Variants in XPR1 observed in about 807,000 individuals in gnomAD.
XPR1 encodes the protein xenotropic and polytropic retrovirus receptor 1.
A neutral mutation model predicts 87.5 loss-of-function variants in XPR1; 28 were observed. The observed-to-expected ratio is 0.32, with a 90% confidence interval of 0.24 to 0.44. XPR1 has a LOEUF of 0.44. XPR1 is among the 20% of genes least tolerant of loss of function. The pLI is 1.00. For synonymous variants in XPR1, 300 were observed against 306.1 expected (o/e 0.98, Z 0.21); for missense variants, 559 against 862.3 (o/e 0.65, Z 4.41).
chr1:180,879,997 T>C (rs749709050), intron 13 of XPR1, 79 bp from the exon 14 acceptor site: 1 of 1,480,166 alleles, frequency 6.8e-7, no homozygotes, highest in Non-Finnish European at 9.4e-7. Flanking sequence ...GAGTGGAAAC[T>C]TGATACACTG....
chr1:180,687,837 A>T (rs996621465), intron 2 of XPR1, among the ~76,000 whole-genome samples: 10 of 151,628 alleles, frequency 6.6e-5, no homozygotes, highest in Non-Finnish European at 1.3e-4. Flanking sequence ...TTATCAATAT[A>T]TATGTAAATA....
chr1:180,669,694 G>GA (rs1316025321), intron 1 of XPR1, among the ~76,000 whole-genome samples: 1 of 152,102 alleles, frequency 6.6e-6, no homozygotes, highest in African/African-American at 2.4e-5. Context: ...CTCCATGGGG[G>GA]ATGTTCCAAG....
chr1:180,855,280 G>A (rs1368881014), intron 11 of XPR1, among the ~76,000 whole-genome samples: 1 of 152,194 alleles, frequency 6.6e-6, no homozygotes, highest in Non-Finnish European at 1.5e-5. Context: ...AATGTCATAG[G>A]AAGGAGAGAT....
At chr1:180,692,621 A>G (rs1339100482) in intron 2 of XPR1, among the ~76,000 whole-genome samples, 1 of 152,068 alleles carries the variant, frequency 6.6e-6, no homozygotes, top group Non-Finnish European at 1.5e-5. Context: ...TCAAAAATGG[A>G]CTCGTATATT....
At chr1:180,727,036 C>T (rs1052984006) in intron 2 of XPR1, among the ~76,000 whole-genome samples, 4 of 151,916 alleles carry the variant, frequency 2.6e-5, no homozygotes, top group East Asian at 3.9e-4. Context: ...CACTGCGCCC[C>T]GCTAATTTTT....
At chr1:180,835,336 T>C (rs536510331) in intron 10 of XPR1, among the ~76,000 whole-genome samples, 1 of 152,356 alleles carries the variant, frequency 6.6e-6, no homozygotes, top group South Asian at 2.1e-4. Flanking sequence ...AGTGCTTTCA[T>C]GCCAGCAATT....
At chr1:180,635,612 A>T (rs1654735097) in intron 1 of XPR1, among the ~76,000 whole-genome samples, 1 of 152,166 alleles carries the variant, frequency 6.6e-6, no homozygotes, top group Admixed American at 6.5e-5. Context: ...TTAGAGCTAA[A>T]AGGGAATTTA....
At chr1:180,809,552 ATTT>A (rs1409323200) in intron 6 of XPR1, among the ~76,000 whole-genome samples, 1 of 152,142 alleles carries the variant, frequency 6.6e-6, no homozygotes, top group Non-Finnish European at 1.5e-5. Context: ...AGTATGTGCA[ATTT>A]TTTTATGTCA....
intron 9 of XPR1, among the ~76,000 whole-genome samples, chr1:180,833,250 T>C (rs914227615): frequency 1.3e-5 from 2 of 152,176 alleles, no homozygotes; most frequent in Non-Finnish European, 2.9e-5. Flanking sequence ...CATCGACAAT[T>C]ATGAAGAAAC....
intron 2 of XPR1, among the ~76,000 whole-genome samples, chr1:180,773,240 T>C (rs1469499456): frequency 6.6e-6 from 1 of 152,080 alleles, no homozygotes; most frequent in Non-Finnish European, 1.5e-5. Context: ...TTGGGGATAC[T>C]TGGGGAAAAA....
intron 2 of XPR1, among the ~76,000 whole-genome samples, chr1:180,726,645 A>G (rs1658360422): frequency 6.6e-6 from 1 of 152,166 alleles, no homozygotes; most frequent in Admixed American, 6.5e-5. Flanking sequence ...TCTTACATGT[A>G]TAAAGTGGAG....
At chr1:180,727,124 A>G (rs1286200023) in intron 2 of XPR1, among the ~76,000 whole-genome samples, 2 of 151,888 alleles carry the variant, frequency 1.3e-5, no homozygotes, top group Admixed American at 6.6e-5. Context: ...CAGCCTCCCA[A>G]AGTGCTGGGA....
At chr1:180,883,569 C>T (rs189085645) in intron 14 of XPR1, among the ~76,000 whole-genome samples, 3 of 152,166 alleles carry the variant, frequency 2.0e-5, no homozygotes, top group South Asian at 2.1e-4. Context: ...CTTCGCCAAG[C>T]GTGGTGGCAC....
intron 11 of XPR1, among the ~76,000 whole-genome samples, chr1:180,844,835 A>G (rs967403846): frequency 2.0e-5 from 3 of 152,160 alleles, no homozygotes; most frequent in East Asian, 3.9e-4. Context: ...AACAAGACCT[A>G]TTACACAAAT....
chr1:180,731,848 A>G (rs941873444), intron 2 of XPR1, among the ~76,000 whole-genome samples: 1 of 152,164 alleles, frequency 6.6e-6, no homozygotes, highest in African/African-American at 2.4e-5. Flanking sequence ...TGGCTGTTGT[A>G]TTGGACAGCA....
At chr1:180,804,890 G>T (rs1649934545) in intron 4 of XPR1, among the ~76,000 whole-genome samples, 1 of 151,786 alleles carries the variant, frequency 6.6e-6, no homozygotes, top group African/African-American at 2.4e-5. Context: ...TCCTATAATG[G>T]TATAGCAACA....
chr1:180,861,615 A>C (rs1652223933), intron 11 of XPR1, among the ~76,000 whole-genome samples: 1 of 152,156 alleles, frequency 6.6e-6, no homozygotes, highest in East Asian at 1.9e-4. Context: ...TTGTGGAAAT[A>C]GTTTAAATGT....
At position 180,632,079 on chromosome 1, in the gene XPR1, G is replaced by A; in HGVS notation, c.-123G>A. 3 of 1,180,706 alleles carry A rather than the reference G, an allele frequency of 2.5e-6. No homozygotes were observed. Among genetic ancestry groups the A allele is most frequent in the Non-Finnish European group, 3.7e-6 (3 of 812,152 alleles). The allele number at this position is 1,180,706 out of a possible 1,614,324, so 73.1% of individuals were successfully genotyped here. A position where few individuals can be genotyped will look rare whatever the true frequency, so the allele number is the denominator to read the frequency against. ...GCTCTGAAGAGACCTCGGCGGCGGC[G>A]GAGGAGGAGAGAAGCGCAGCGCCGC... is the stretch of plus-strand genomic sequence containing the variant. On this transcript the variant is annotated 5_prime_UTR_variant, in exon 1 of 15. Transcript: ENST00000367590.
At chr1:180,765,334 C>T (rs1469203861) in intron 2 of XPR1, among the ~76,000 whole-genome samples, 1 of 152,200 alleles carries the variant, frequency 6.6e-6, no homozygotes, top group Non-Finnish European at 1.5e-5. Flanking sequence ...CCAATCTAAT[C>T]TTCTTACTAA....
Sources: gnomAD v4.1 joint callset for allele counts (sites outside exome capture counted in the v4.1 genomes callset) on GRCh38, gnomAD v4.1.1 for gene constraint, MANE v1.5 for transcripts, NCBI Gene and HGNC (gene_info 2026-07-23, HGNC 2026-07-21) for gene names.